IPO11: variants seen among roughly 807,000 people sequenced by gnomAD.
The protein encoded by IPO11 is importin-11.
Under a neutral mutation model 143.2 loss-of-function variants are expected in IPO11, and 66 were observed. That is an observed-to-expected ratio of 0.46 (90% CI 0.38 to 0.57). The LOEUF (loss-of-function observed/expected upper bound fraction) is 0.57. IPO11 is among the 20% of genes least tolerant of loss of function. The probability of loss-of-function intolerance (pLI) is 0.00; values close to 1 mark genes in which losing one functional copy is unlikely to be tolerated. For synonymous variants in IPO11, 385 were observed against 377.8 expected (o/e 1.02, Z -0.22); for missense variants, 1,026 against 1,141.0 (o/e 0.90, Z 1.45).
intron 20 of IPO11, among the ~76,000 whole-genome samples, chr5:62,517,829 A>C (rs1053328705): frequency 6.6e-6 from 1 of 152,112 alleles, no homozygotes; most frequent in African/African-American, 2.4e-5. Flanking sequence ...ACTCTTGTGG[A>C]ATGTTAGGCC....
intron 5 of IPO11, among the ~76,000 whole-genome samples, chr5:62,458,394 A>T (rs1745237631): frequency 6.6e-6 from 1 of 151,860 alleles, no homozygotes; most frequent in Non-Finnish European, 1.5e-5. Flanking sequence ...TCTACCTGCC[A>T]GGTTTAAGTG....
At chr5:62,423,002 AG>A (rs1306127946) in intron 1 of IPO11, among the ~76,000 whole-genome samples, 10 of 152,220 alleles carry the variant, frequency 6.6e-5, no homozygotes, top group Admixed American at 6.5e-4. Flanking sequence ...AATATCAGAA[AG>A]GGGATTGGAG....
intron 1 of IPO11, chr5:62,419,021 A>G: frequency 6.4e-7 from 1 of 1,550,986 alleles, no homozygotes; most frequent in Non-Finnish European, 8.7e-7. Flanking sequence ...TAGATGGTAC[A>G]GCCTATTATA....
chr5:62,491,786 C>T (rs1746618975), intron 15 of IPO11, among the ~76,000 whole-genome samples: 1 of 151,656 alleles, frequency 6.6e-6, no homozygotes, highest in African/African-American at 2.4e-5. Context: ...CTGCCTCAGC[C>T]TCCCCAGTAG....
intron 28 of IPO11, among the ~76,000 whole-genome samples, chr5:62,598,346 T>G: frequency 6.6e-6 from 1 of 151,614 alleles, no homozygotes; most frequent in Admixed American, 6.6e-5. Flanking sequence ...CAATGTCAGT[T>G]TTGTCTTATG....
chr5:62,534,027 C>CT (rs1266903921), intron 22 of IPO11, among the ~76,000 whole-genome samples: 1 of 151,500 alleles, frequency 6.6e-6, no homozygotes, highest in East Asian at 1.9e-4. Context: ...TTATAGAACA[C>CT]TTTAAGATGT....
chr5:62,559,481 T>A (rs1743692511), intron 26 of IPO11, among the ~76,000 whole-genome samples: 1 of 152,134 alleles, frequency 6.6e-6, no homozygotes, highest in South Asian at 2.1e-4. Context: ...GCTGCTTTAT[T>A]AAGTTTATGT....
At chr5:62,486,137 C>G (rs1300315005) in intron 12 of IPO11, among the ~76,000 whole-genome samples, 1 of 151,644 alleles carries the variant, frequency 6.6e-6, no homozygotes, top group Non-Finnish European at 1.5e-5. Flanking sequence ...CCCGCCACCA[C>G]GCCCAGCTAA....
At chr5:62,452,699 A>G (rs1255247375) in intron 5 of IPO11, among the ~76,000 whole-genome samples, 3 of 138,220 alleles carry the variant, frequency 2.2e-5, no homozygotes, top group African/African-American at 9.1e-5. Flanking sequence ...GTTTTGAGAC[A>G]GGGTTTTGTT....
At chr5:62,544,524 C>T (rs1218427461) in intron 24 of IPO11, among the ~76,000 whole-genome samples, 1 of 152,106 alleles carries the variant, frequency 6.6e-6, no homozygotes, top group African/African-American at 2.4e-5. Context: ...GGAAGCATTC[C>T]CTTTGAAAAC....
chr5:62,471,256 C>T (rs1462398861), intron 7 of IPO11, among the ~76,000 whole-genome samples: 1 of 149,440 alleles, frequency 6.7e-6, no homozygotes, highest in African/African-American at 2.5e-5. Context: ...GGGGGTTGCT[C>T]AGGAGTTGAG....
chr5:62,437,519 C>A, intron 2 of IPO11, 102 bp downstream of exon 2: 4 of 1,022,340 alleles, frequency 3.9e-6, no homozygotes, highest in Non-Finnish European at 5.6e-6. Flanking sequence ...GAAATAGATT[C>A]AGATGTTTGG....
intron 3 of IPO11, among the ~76,000 whole-genome samples, chr5:62,448,237 C>CAGCCCACAGTCA (rs1292393226): frequency 9.9e-5 from 15 of 151,868 alleles, no homozygotes; most frequent in South Asian, 6.2e-4. Flanking sequence ...GTAGCATGTA[C>CAGCCCACAGTCA]AGCATGGGTG....
At chr5:62,474,152 T>A (rs576287654) in intron 7 of IPO11, among the ~76,000 whole-genome samples, 3 of 152,186 alleles carry the variant, frequency 2.0e-5, no homozygotes, top group African/African-American at 7.2e-5. Context: ...TGAAACAGGA[T>A]GCTTAAAAAG....
chr5:62,564,306 ATTGTTT>A (rs763314754), intron 27 of IPO11, among the ~76,000 whole-genome samples: 5 of 152,038 alleles, frequency 3.3e-5, no homozygotes, highest in Non-Finnish European at 7.4e-5. Context: ...CAGCAGTTTT[ATTGTTT>A]CCTATTTGTA....
chr5:62,601,666 C>A, intron 28 of IPO11, 98 bp from the exon 29 acceptor site: 1 of 523,946 alleles, frequency 1.9e-6, no homozygotes, highest in Non-Finnish European at 3.1e-6. Flanking sequence ...AAACTAAGAA[C>A]ATAGAATTAT....
At chr5:62,453,968 T>A (rs1223038078) in intron 5 of IPO11, among the ~76,000 whole-genome samples, 1 of 151,152 alleles carries the variant, frequency 6.6e-6, no homozygotes, top group Non-Finnish European at 1.5e-5. Flanking sequence ...CTATCTCTAC[T>A]AAAAATACAA....
intron 27 of IPO11, among the ~76,000 whole-genome samples, chr5:62,576,447 C>T (rs1396146869): frequency 6.6e-6 from 1 of 152,122 alleles, no homozygotes; most frequent in Non-Finnish European, 1.5e-5. Flanking sequence ...ATAAGCCATT[C>T]TTTATATGTA....
At position 62,536,700 on chromosome 5, in the gene IPO11, A is replaced by G; in HGVS notation, c.2090-2A>G. 2 of 1,574,508 alleles carry G rather than the reference A, an allele frequency of 1.3e-6. No individual in the cohort carries two copies. The highest frequency in any genetic ancestry group is 1.7e-6 in the Non-Finnish European group (2 of 1,167,226). ...TTTGTTTGACATTTATTGTTTTGGC[A>G]GAACTAAGTTCAGAAAATCTTAGAA... is the stretch of plus-strand genomic sequence containing the variant. On this transcript the variant is annotated splice_acceptor_variant, in intron 22 of 29. Transcript: ENST00000325324. LOFTEE classifies it high-confidence loss of function.
Sources: gnomAD v4.1 joint callset for allele counts (sites outside exome capture counted in the v4.1 genomes callset) on GRCh38, gnomAD v4.1.1 for gene constraint, MANE v1.5 for transcripts, NCBI Gene and HGNC (gene_info 2026-07-23, HGNC 2026-07-21) for gene names.